Variants in TRAPPC8 observed in about 807,000 individuals in gnomAD.
TRAPPC8 encodes the protein trafficking protein particle complex subunit 8.
TRAPPC8 carries 54 observed loss-of-function variants against 174.3 expected under a neutral mutation model. That is an observed-to-expected ratio of 0.31 (90% CI 0.25 to 0.39). TRAPPC8 has a LOEUF of 0.39. Among genes scored for constraint, TRAPPC8 ranks in the 10% least tolerant of loss-of-function variants. The pLI is 1.00. For missense variants in TRAPPC8, 1,531 were observed against 1,699.1 expected, an observed-to-expected ratio of 0.90 and a Z score of 1.74; for synonymous variants, 630 against 579.9, an observed-to-expected ratio of 1.09 and a Z score of -1.24.
chr18:31,888,285 G>T lies in TRAPPC8; in HGVS notation c.1728+2450C>A, dbSNP rs112017032. Among the ~76,000 whole-genome samples the T allele has an allele frequency of 4.6e-3, 694 of 152,272 alleles. 4 individuals are homozygous for T. The highest frequency in any genetic ancestry group is 7.6e-3 in the Non-Finnish European group (516 of 68,018). ...ATGGTGGCTCACGCCTGTAATCCCA[G>T]CACTCTGGGAGGCTGAGGAAGGTGG... On this transcript the variant is annotated intron_variant, in intron 12 of 28. Coordinates refer to ENST00000283351, the MANE Select transcript of TRAPPC8 (RefSeq NM_014939.5).
In TRAPPC8 at chr18:31,913,538, G is replaced by GA. The variant is rs768602800; in HGVS notation, c.618-17dup. The GA allele has an allele frequency of 8.4e-6, 13 of 1,553,652 alleles. No individual in the cohort carries two copies. Among genetic ancestry groups the GA allele is most frequent in the East Asian group, 2.3e-5 (1 of 43,696 alleles). On this transcript the variant is annotated splice_polypyrimidine_tract_variant and intron_variant, in intron 4 of 28. Coordinates refer to ENST00000283351, the MANE Select transcript of TRAPPC8 (RefSeq NM_014939.5). ...TGATTCAGCTCTAAAACAGAAAATG[G>GA]AAAAAAATCTGAAGTAAAAGAGGAG...
Position 31,846,595 on chromosome 18 carries a change from C to A in TRAPPC8, c.3837+121G>T, listed in dbSNP as rs371112846. Reference sequence around the variant, plus strand: ...AGTCTCAAAACAACAACAAAAAAAACCAAAAAACAAAACCTGAACAAACCA... The same window carrying A: ...AGTCTCAAAACAACAACAAAAAAAAACAAAAAACAAAACCTGAACAAACCA... On this transcript the variant is annotated intron_variant, in intron 26 of 28. Coordinates refer to ENST00000283351, the MANE Select transcript of TRAPPC8 (RefSeq NM_014939.5). 78 of 782,002 alleles carry A rather than the reference C, an allele frequency of 1.0e-4. 1 individual carries two copies. Among genetic ancestry groups the A allele is most frequent in the South Asian group, 4.4e-4 (21 of 47,942 alleles). 48.4% of individuals were successfully genotyped at this position (782,002 alleles called of 1,614,324 possible). A position where few individuals can be genotyped will look rare whatever the true frequency, so the allele number is the denominator to read the frequency against.
intron 4 of TRAPPC8, among the ~76,000 whole-genome samples, chr18:31,915,736 A>C (rs2145533132): frequency 6.6e-6 from 1 of 151,824 alleles, no homozygotes; most frequent in East Asian, 2.0e-4. Flanking sequence ...AAATACAAAA[A>C]ATTAGCCAGG....
chr18:31,924,027 T>C (rs1303050974), intron 2 of TRAPPC8, among the ~76,000 whole-genome samples: 1 of 152,148 alleles, frequency 6.6e-6, no homozygotes, highest in Non-Finnish European at 1.5e-5. Flanking sequence ...CTCATGCCTA[T>C]AATCCCAGCA....
At chr18:31,838,326 C>T (rs1282947526) in intron 27 of TRAPPC8, among the ~76,000 whole-genome samples, 1 of 152,124 alleles carries the variant, frequency 6.6e-6, no homozygotes, top group African/African-American at 2.4e-5. Context: ...ATAACTACCC[C>T]CTGAAATGGA....
rs1598567408 is a variant in TRAPPC8 at position 31,829,417 on chromosome 18, C to G, written c.*1338G>C. The G allele has an allele frequency of 1.3e-5, 2 of 152,088 alleles. No individual in the cohort carries two copies. The highest frequency in any genetic ancestry group is 4.8e-5 in the African/African-American group (2 of 41,402). The allele number at this position is 152,088 out of a possible 1,614,324, so 9.4% of individuals were successfully genotyped here. On this transcript the variant is annotated 3_prime_UTR_variant, in exon 29 of 29. Coordinates refer to ENST00000283351, the MANE Select transcript of TRAPPC8 (RefSeq NM_014939.5). Reference sequence around the variant, plus strand: ...AAACTCTCAAGAAGGAAATGAGTGTCCTTAGAATGTGACCTTCCTCTCCAA... The same window carrying G: ...AAACTCTCAAGAAGGAAATGAGTGTGCTTAGAATGTGACCTTCCTCTCCAA...
chr18:31,913,384 A>G lies in TRAPPC8; in HGVS notation c.756T>C (p.Asn252=), dbSNP rs751981683. The stretch of plus-strand genomic sequence containing the variant: ...TTACATATACCTGGTTTTGAATACT[A>G]TTTTTCTGGAGATACTGACTCCAAG... ...PDPWSQYLQK[N]SIQNQESYED... is the part of the protein sequence containing the mutation. Residue 252 remains asparagine (N), a synonymous_variant, in exon 5 of 29, where the codon AAT becomes AAC. Coordinates refer to ENST00000283351, the MANE Select transcript of TRAPPC8 (RefSeq NM_014939.5). The G allele has an allele frequency of 1.1e-5, 18 of 1,579,074 alleles. No individual in the cohort carries two copies. The highest frequency in any genetic ancestry group is 1.5e-5 in the Non-Finnish European group (18 of 1,170,312).
intron 16 of TRAPPC8, among the ~76,000 whole-genome samples, chr18:31,869,859 CG>C (rs925454305): frequency 6.6e-6 from 1 of 152,022 alleles, no homozygotes; most frequent in African/African-American, 2.4e-5. Flanking sequence ...GAGGCTGAGG[CG>C]GGAGGATCAC....
At position 31,908,438 on chromosome 18, in the gene TRAPPC8, T is replaced by G; in HGVS notation, c.1123-20A>C. On this transcript the variant is annotated intron_variant, in intron 7 of 28. Coordinates refer to ENST00000283351, the MANE Select transcript of TRAPPC8 (RefSeq NM_014939.5). ...TATTAGCTTTAAAAAAGAGATTAAA[T>G]ATGTTGACAAACAAAGAATTTAGTA... The G allele has an allele frequency of 6.9e-7, 1 of 1,454,360 alleles. No homozygotes were observed. Among genetic ancestry groups the G allele is most frequent in the Non-Finnish European group, 9.3e-7 (1 of 1,073,804 alleles). The allele number at this position is 1,454,360 out of a possible 1,614,324, so 90.1% of individuals were successfully genotyped here.
rs76512586 is a variant in TRAPPC8 at position 31,853,039 on chromosome 18, G to A, written c.3434-376C>T. Among the ~76,000 whole-genome samples, 844 of 152,128 alleles carry A rather than the reference G, an allele frequency of 5.5e-3. 5 individuals are homozygous for A. The highest frequency in any genetic ancestry group is 0.019 in the African/African-American group (801 of 41,484). On this transcript the variant is annotated intron_variant, in intron 22 of 28. Coordinates refer to ENST00000283351, the MANE Select transcript of TRAPPC8 (RefSeq NM_014939.5). The stretch of plus-strand genomic sequence containing the variant: ...ATGATTTATACCAACATTACTATAC[G>A]AACACACTCTGCTATATGTTTTCCC...
Position 31,908,940 on chromosome 18 carries a change from A to G in TRAPPC8, c.936T>C (p.Ile312=), listed in dbSNP as rs376990425. The G allele has an allele frequency of 1.3e-4, 203 of 1,613,766 alleles. No individual in the cohort carries two copies. The highest frequency in any genetic ancestry group is 1.6e-4 in the Non-Finnish European group (192 of 1,179,780). The change falls in exon 7 of 29, where the codon ATT becomes ATC. Residue 312 remains isoleucine, a synonymous_variant. Transcript: ENST00000283351. ...LEQSSDPSNS[I]DGPDHLRSAS... ...CAGATCTTAGATGATCTGGGCCATC[A>G]ATACTGTTAGAAGGGTCACTGGATT... is the stretch of plus-strand genomic sequence containing the variant.
At chr18:31,922,197 G>A (rs543377405) in intron 2 of TRAPPC8, among the ~76,000 whole-genome samples, 56 of 152,244 alleles carry the variant, frequency 3.7e-4, no homozygotes, top group African/African-American at 1.2e-3. Flanking sequence ...CTATGTGAAT[G>A]TACACATAAT....
rs533203096 is a variant in TRAPPC8 at position 31,867,271 on chromosome 18, T to C, written c.2463+131A>G. The C allele has an allele frequency of 6.2e-5, 46 of 745,712 alleles. No individual in the cohort carries two copies. In the African/African-American group the frequency reaches 7.7e-4, roughly 13 times the overall value. 46.2% of individuals were successfully genotyped at this position (745,712 alleles called of 1,614,324 possible). A position where few individuals can be genotyped will look rare whatever the true frequency, so the allele number is the denominator to read the frequency against. On this transcript the variant is annotated intron_variant, in intron 17 of 28. Transcript: ENST00000283351. ...CCAATTTCCTCCTGAGCAATTCCTA[T>C]GTCCTAATCTTCCAAATTTTAGTTC...
intron 26 of TRAPPC8, among the ~76,000 whole-genome samples, chr18:31,845,871 A>G (rs868195434): frequency 2.6e-4 from 39 of 152,330 alleles, no homozygotes; most frequent in African/African-American, 9.4e-4. Flanking sequence ...GAATTACTAG[A>G]CTAAATGTGC....
At chr18:31,875,761 T>C (rs1477987479) in intron 12 of TRAPPC8, among the ~76,000 whole-genome samples, 1 of 152,142 alleles carries the variant, frequency 6.6e-6, no homozygotes, top group Non-Finnish European at 1.5e-5. Flanking sequence ...GCAATAAGAA[T>C]GCAATATTTG....
chr18:31,844,134 T>C (rs1475357780), intron 26 of TRAPPC8, among the ~76,000 whole-genome samples: 1 of 152,198 alleles, frequency 6.6e-6, no homozygotes, highest in Non-Finnish European at 1.5e-5. Context: ...GCTCCTTTTA[T>C]TGGAGAACAG....
At chr18:31,880,090 A>AAAAAAAATATATAT (rs1259899654) in intron 12 of TRAPPC8, among the ~76,000 whole-genome samples, 5 of 85,344 alleles carry the variant, frequency 5.9e-5, no homozygotes, top group African/African-American at 2.6e-4. Flanking sequence ...TGAAAAAAAA[A>AAAAAAAATATATAT]ATATATATAT....
At chr18:31,931,668 T>C (rs1014513342) in intron 1 of TRAPPC8, 145 bp from the exon 2 acceptor site, 4 of 591,714 alleles carry the variant, frequency 6.8e-6, no homozygotes, top group Admixed American at 3.4e-5. Flanking sequence ...GAAATATAAA[T>C]GGTTGACAAC....
chr18:31,883,541 G>C (rs1327894907), intron 12 of TRAPPC8: 1 of 152,594 alleles, frequency 6.6e-6, no homozygotes, highest in Non-Finnish European at 1.5e-5. Context: ...ACAATTCATG[G>C]GGATAGCTTT....
Sources: gnomAD v4.1 joint callset for allele counts (sites outside exome capture counted in the v4.1 genomes callset) on GRCh38, gnomAD v4.1.1 for gene constraint, MANE v1.5 for transcripts, NCBI Gene and HGNC (gene_info 2026-07-23, HGNC 2026-07-21) for gene names.